CADM2: variants seen among roughly 807,000 people sequenced by gnomAD.
CADM2 encodes cell adhesion molecule 2.
A neutral mutation model predicts 49.8 loss-of-function variants in CADM2; 12 were observed. The ratio of observed to expected loss-of-function variants is 0.24; its 90% CI spans 0.15 to 0.39. CADM2 has a LOEUF of 0.39. CADM2 is among the 10% of genes least tolerant of loss of function. The pLI is 1.00. For synonymous variants in CADM2, 214 were observed against 175.4 expected, an observed-to-expected ratio of 1.22 and a Z score of -1.74; for missense variants, 378 against 492.3, an observed-to-expected ratio of 0.77 and a Z score of 2.20.
intron 8 of CADM2, among the ~76,000 whole-genome samples, chr3:86,037,709 T>A (rs1221548933): frequency 3.3e-5 from 5 of 152,224 alleles, no homozygotes; most frequent in African/African-American, 1.2e-4. Context: ...CATTCTTTAC[T>A]GATACACCTT....
chr3:85,158,350 C>A (rs527563825), intron 1 of CADM2, among the ~76,000 whole-genome samples: 89 of 152,256 alleles, frequency 5.8e-4, no homozygotes, highest in African/African-American at 1.9e-3. Context: ...GGTATATACC[C>A]AAAGGACTAT....
intron 1 of CADM2, among the ~76,000 whole-genome samples, chr3:85,228,610 C>T (rs1349942363): frequency 6.6e-6 from 1 of 151,856 alleles, no homozygotes; most frequent in Admixed American, 6.6e-5. Context: ...GCTGGAGGCC[C>T]CCTCCACACT....
chr3:85,411,456 A>C (rs1014709326), intron 1 of CADM2, among the ~76,000 whole-genome samples: 1 of 152,214 alleles, frequency 6.6e-6, no homozygotes, highest in Non-Finnish European at 1.5e-5. Context: ...TTATTAATTA[A>C]TTGATTAAAA....
chr3:85,552,366 G>GTTTTTTTTTTTTTTTTTTTTTT (rs36014885), intron 1 of CADM2, among the ~76,000 whole-genome samples: 1 of 87,588 alleles, frequency 1.1e-5, no homozygotes, highest in African/African-American at 4.6e-5. Context: ...ACTTTGAAAA[G>GTTTTTTTTTTTTTTTTTTTTTT]TTTTTTTTTT....
chr3:85,742,151 T>C (rs1282890595), intron 2 of CADM2, among the ~76,000 whole-genome samples: 1 of 152,182 alleles, frequency 6.6e-6, no homozygotes, highest in African/African-American at 2.4e-5. Flanking sequence ...AATAAGTATA[T>C]TGTTATTTTA....
At chr3:85,715,446 C>G (rs1186142356) in intron 1 of CADM2, among the ~76,000 whole-genome samples, 1 of 151,820 alleles carries the variant, frequency 6.6e-6, no homozygotes, top group Non-Finnish European at 1.5e-5. Flanking sequence ...ATTAGAACAC[C>G]CTGAAAATTA....
At chr3:85,446,324 C>A (rs556861719) in intron 1 of CADM2, among the ~76,000 whole-genome samples, 29 of 152,140 alleles carry the variant, frequency 1.9e-4, no homozygotes, top group African/African-American at 6.5e-4. Flanking sequence ...TCAGCAAAGT[C>A]TATAAGAAGA....
At chr3:85,347,968 T>C (rs9830359) in intron 1 of CADM2, among the ~76,000 whole-genome samples, 134,248 of 152,032 alleles carry the variant, frequency 0.88, 59,406 homozygotes, top group East Asian at 0.95. Flanking sequence ...CCACTGCGCC[T>C]GGCTAATTTT....
chr3:85,797,427 C>T (rs2071694875), intron 2 of CADM2, among the ~76,000 whole-genome samples: 1 of 152,074 alleles, frequency 6.6e-6, no homozygotes, highest in Non-Finnish European at 1.5e-5. Context: ...CCCAACAGGC[C>T]CTGGTGTGTG....
At chr3:85,238,721 G>C (rs927593854) in intron 1 of CADM2, among the ~76,000 whole-genome samples, 1 of 151,832 alleles carries the variant, frequency 6.6e-6, no homozygotes, top group Non-Finnish European at 1.5e-5. Flanking sequence ...TTTACTGACA[G>C]ACTAAGTTAC....
intron 1 of CADM2, among the ~76,000 whole-genome samples, chr3:85,529,206 T>G (rs1014901326): frequency 1.3e-5 from 2 of 152,234 alleles, no homozygotes; most frequent in Non-Finnish European, 2.9e-5. Context: ...CTGGAATTTC[T>G]GACTGAATTG....
intron 1 of CADM2, among the ~76,000 whole-genome samples, chr3:85,477,070 G>T (rs537289227): frequency 2.9e-4 from 44 of 151,958 alleles, no homozygotes; most frequent in Non-Finnish European, 5.7e-4. Flanking sequence ...TTGAGCAGCA[G>T]ATTAGTAGCT....
intron 7 of CADM2, among the ~76,000 whole-genome samples, chr3:85,952,487 C>A (rs1442731519): frequency 6.6e-6 from 1 of 150,900 alleles, no homozygotes; most frequent in African/African-American, 2.4e-5. Context: ...AGATGTATTT[C>A]TTGGTTTTCT....
intron 1 of CADM2, among the ~76,000 whole-genome samples, chr3:85,325,291 G>A (rs818218): frequency 0.23 from 34,580 of 152,136 alleles, 6,331 homozygotes; most frequent in African/African-American, 0.51. Flanking sequence ...CATTACTCCT[G>A]ACATGTAATA....
At chr3:85,764,456 A>G (rs1026045345) in intron 2 of CADM2, among the ~76,000 whole-genome samples, 1 of 152,100 alleles carries the variant, frequency 6.6e-6, no homozygotes, top group African/African-American at 2.4e-5. Context: ...AGAATCTGGT[A>G]AAAAGCTAGA....
chr3:85,791,083 A>T (rs1264147798), intron 2 of CADM2, among the ~76,000 whole-genome samples: 1 of 152,226 alleles, frequency 6.6e-6, no homozygotes, highest in South Asian at 2.1e-4. Context: ...AATGATTTTT[A>T]AAAATGACTA....
In CADM2 at chr3:84,959,588, A is replaced by G. The variant is rs957765459; in HGVS notation, c.-20A>G. The G allele has an allele frequency of 1.7e-5, 26 of 1,536,188 alleles. No individual in the cohort carries two copies. The highest frequency in any genetic ancestry group is 2.3e-5 in the Non-Finnish European group (26 of 1,146,150). On this transcript the variant is annotated 5_prime_UTR_variant, in exon 1 of 10. Coordinates refer to ENST00000383699, the MANE Select transcript of CADM2 (RefSeq NM_001167675.2). ...CTACTTGCCCCCTCGTTCCTTCCCC[A>G]GCCCTTTAGAGAAGGGACCATGATT...
intron 8 of CADM2, among the ~76,000 whole-genome samples, chr3:85,990,668 TATA>T (rs1728670321): frequency 6.6e-6 from 1 of 152,202 alleles, no homozygotes; most frequent in African/African-American, 2.4e-5. Context: ...GGTTAGCTTT[TATA>T]ATAATTATTC....
intron 1 of CADM2, among the ~76,000 whole-genome samples, chr3:85,321,072 T>C (rs367874020): frequency 7.8e-6 from 1 of 129,010 alleles, no homozygotes; most frequent in South Asian, 2.6e-4. Context: ...GTTTTAAATG[T>C]ACTCATAATA....
Sources: gnomAD v4.1 joint callset for allele counts (sites outside exome capture counted in the v4.1 genomes callset) on GRCh38, gnomAD v4.1.1 for gene constraint, MANE v1.5 for transcripts, NCBI Gene and HGNC (gene_info 2026-07-23, HGNC 2026-07-21) for gene names.